The following ESCO1 variants were observed in gnomAD, a reference collection of about 807,000 sequenced individuals.
ESCO1 encodes the protein N-acetyltransferase ESCO1.
Under a neutral mutation model 83.5 loss-of-function variants are expected in ESCO1, and 33 were observed. That is an observed-to-expected ratio of 0.40 (90% confidence interval 0.30 to 0.53). ESCO1 has a LOEUF of 0.53. Among genes scored for constraint, ESCO1 ranks in the 20% least tolerant of loss-of-function variants. ESCO1 has a pLI of 0.63. For missense variants in ESCO1, 855 were observed against 968.0 expected (o/e 0.88, Z 1.55); for synonymous variants, 332 against 324.3 (o/e 1.02, Z -0.25).
chr18:21,597,683 C>T (rs2038785887), intron 1 of ESCO1, among the ~76,000 whole-genome samples: 1 of 151,980 alleles, frequency 6.6e-6, no homozygotes, highest in Non-Finnish European at 1.5e-5. Flanking sequence ...GATCCTAAGA[C>T]CAAAAAGTTT....
rs369112026 is a variant in ESCO1, at chr18:21,568,084, T to C, written c.1541A>G (p.Gln514Arg). The change falls in exon 5 of 12, where the codon CAA becomes CGA. Residue 514 changes from glutamine (Q) to arginine (R), a missense_variant. Physicochemically the swap from Gln to Arg is conservative, Grantham distance 43. Around this residue, in one of 2 missense-constraint regions of ESCO1, gnomAD observed 726 missense variants for 699.5 expected, o/e 1.04. Transcript: ENST00000269214. ...GTTTTCTAGCTTGGATTCCAAACAT[T>C]GGCTGAAATTCTGAACACATATAAT... ...FDSASNKNFSQCLESKLENSP... is the reference protein window; with the variant it reads ...FDSASNKNFSRCLESKLENSP... 10 of 1,613,260 alleles carry C rather than the reference T, an allele frequency of 6.2e-6. No individual in the cohort carries two copies. The African/African-American group carries it at 1.2e-4, about 19-fold the overall frequency.
At position 21,573,942 on chromosome 18, in the gene ESCO1, C is replaced by T. The variant is rs1235329872; in HGVS notation, c.902G>A (p.Gly301Asp). ...TTCTTCACAGAGCTGGAGAATACTA[C>T]CTCGTTTGCTCTTTCCTGCTTGCTC... is the stretch of plus-strand genomic sequence containing the variant. ...ELEQAGKSKR[G>D]SILQLCEEIA... Residue 301 changes from glycine to aspartate, a missense_variant, in exon 4 of 12, where the codon GGT (glycine) becomes GAT (aspartate). By Grantham distance (94) the Gly-to-Asp change is moderately conservative. Transcript: ENST00000269214. 1 of 1,613,994 alleles carries T rather than the reference C, an allele frequency of 6.2e-7. No individual in the cohort carries two copies.
chr18:21,573,044 G>C (rs559306463), intron 4 of ESCO1, among the ~76,000 whole-genome samples: 1 of 151,122 alleles, frequency 6.6e-6, no homozygotes, highest in South Asian at 2.1e-4. Context: ...AAATTTAAAA[G>C]AAAAGCTGGA....
At chr18:21,563,644 G>A (rs940177646) in intron 7 of ESCO1, among the ~76,000 whole-genome samples, 1 of 152,144 alleles carries the variant, frequency 6.6e-6, no homozygotes, top group African/African-American at 2.4e-5. Context: ...CACTGCACCT[G>A]GCCTGGGAAC....
At chr18:21,566,948 T>G (rs540897173) in intron 5 of ESCO1, among the ~76,000 whole-genome samples, 2 of 152,278 alleles carry the variant, frequency 1.3e-5, no homozygotes, top group African/African-American at 4.8e-5. Context: ...AATAAATGCA[T>G]TTCTCATATT....
At chr18:21,564,392 ATTTTC>A (rs755828169) in intron 6 of ESCO1, 75 bp from the exon 7 acceptor site, 25 of 1,050,820 alleles carry the variant, frequency 2.4e-5, no homozygotes, top group Non-Finnish European at 3.4e-5. Flanking sequence ...AAAATAACTT[ATTTTC>A]TTTTTTTTTT....
At chr18:21,541,470 G>C (rs544038129) in intron 8 of ESCO1, among the ~76,000 whole-genome samples, 4 of 151,758 alleles carry the variant, frequency 2.6e-5, no homozygotes, top group Admixed American at 6.6e-5. Context: ...GCACGCGCCT[G>C]TAGTTCTGGC....
intron 2 of ESCO1, among the ~76,000 whole-genome samples, chr18:21,583,381 C>A (rs2038529719): frequency 6.6e-6 from 1 of 151,976 alleles, no homozygotes; most frequent in African/African-American, 2.4e-5. Context: ...GGGTGGCTCA[C>A]ACCTGTAATC....
At chr18:21,583,584 T>C (rs1448996460) in intron 2 of ESCO1, among the ~76,000 whole-genome samples, 1 of 150,626 alleles carries the variant, frequency 6.6e-6, no homozygotes, top group African/African-American at 2.4e-5. Flanking sequence ...GCAGAGGTCA[T>C]GGTGAGCCGA....
At chr18:21,580,272 C>G (rs1336725097) in intron 2 of ESCO1, among the ~76,000 whole-genome samples, 2 of 151,944 alleles carry the variant, frequency 1.3e-5, no homozygotes, top group African/African-American at 4.8e-5. Flanking sequence ...TTTTAAAAAA[C>G]CTATCATAAG....
chr18:21,554,676 G>A (rs1484130140), intron 8 of ESCO1, among the ~76,000 whole-genome samples: 1 of 152,108 alleles, frequency 6.6e-6, no homozygotes, highest in African/African-American at 2.4e-5. Context: ...TTGGGAGACG[G>A]AGGGGGCAGA....
At chr18:21,598,198 A>G (rs2038791818) in intron 1 of ESCO1, among the ~76,000 whole-genome samples, 1 of 152,216 alleles carries the variant, frequency 6.6e-6, no homozygotes, top group Non-Finnish European at 1.5e-5. Flanking sequence ...AACTATTACA[A>G]AAAAATCCAT....
At chr18:21,576,210 G>A (rs1264750228) in intron 2 of ESCO1, among the ~76,000 whole-genome samples, 1 of 152,058 alleles carries the variant, frequency 6.6e-6, no homozygotes, top group East Asian at 1.9e-4. Context: ...AGCAATAGAG[G>A]GACTAAAACA....
intron 8 of ESCO1, among the ~76,000 whole-genome samples, chr18:21,554,268 C>T (rs138090601): frequency 2.6e-5 from 4 of 152,324 alleles, no homozygotes; most frequent in Non-Finnish European, 4.4e-5. Flanking sequence ...TCTTACCATA[C>T]GATCCAGCAA....
chr18:21,574,850 G>A lies in ESCO1; in HGVS notation c.-7C>T, dbSNP rs188428429. The A allele has an allele frequency of 3.2e-5, 50 of 1,563,116 alleles. No individual in the cohort carries two copies. The Admixed American group carries it at 9.7e-4, about 30-fold the overall frequency. The stretch of plus-strand genomic sequence containing the variant: ...TCTCCTGAATGGACATCATTCCTGA[G>A]TAATGACTTTCTTTTCTGAGTAGTT... On this transcript the variant is annotated 5_prime_UTR_variant, in exon 4 of 12. Transcript: ENST00000269214.
At chr18:21,547,878 C>T (rs936547575) in intron 8 of ESCO1, among the ~76,000 whole-genome samples, 2 of 151,544 alleles carry the variant, frequency 1.3e-5, no homozygotes, top group African/African-American at 4.9e-5. Context: ...CTGAGGTGGG[C>T]AGATCACGAG....
At chr18:21,580,788 G>A (rs1311507688) in intron 2 of ESCO1, among the ~76,000 whole-genome samples, 1 of 151,336 alleles carries the variant, frequency 6.6e-6, no homozygotes, top group African/African-American at 2.4e-5. Flanking sequence ...TCAGGAGTTC[G>A]AGACCAGCCT....
intron 1 of ESCO1, among the ~76,000 whole-genome samples, chr18:21,589,859 GCT>G (rs1180063790): frequency 2.0e-5 from 3 of 148,744 alleles, no homozygotes; most frequent in African/African-American, 7.4e-5. Flanking sequence ...TTTTTTTCTC[GCT>G]CTGTCACCCA....
intron 11 of ESCO1, 94 bp from the exon 12 acceptor site, chr18:21,530,584 A>T: frequency 8.0e-7 from 1 of 1,249,522 alleles, no homozygotes; most frequent in Non-Finnish European, 1.1e-6. Flanking sequence ...CCTGTCAAAT[A>T]CAATTTGACT....
Sources: gnomAD v4.1 joint callset for allele counts (sites outside exome capture counted in the v4.1 genomes callset) on GRCh38, gnomAD v4.1.1 for gene constraint, gnomAD v4.1.1 regional missense constraint, MANE v1.5 for transcripts, NCBI Gene and HGNC (gene_info 2026-07-23, HGNC 2026-07-21) for gene names.